PCDHGA5: variants seen among roughly 807,000 people sequenced by gnomAD.
PCDHGA5 encodes protocadherin gamma-A5.
Under a neutral mutation model 56.7 loss-of-function variants are expected in PCDHGA5, and 36 were observed. That is an observed-to-expected ratio of 0.64 (90% CI 0.49 to 0.84). The LOEUF (loss-of-function observed/expected upper bound fraction) is 0.84. PCDHGA5 is among the 40% of genes least tolerant of loss of function. The probability of loss-of-function intolerance (pLI) is 0.00; values close to 1 mark genes in which losing one functional copy is unlikely to be tolerated. For synonymous variants in PCDHGA5, 563 were observed against 520.2 expected, an observed-to-expected ratio of 1.08 and a Z score of -1.12; for missense variants, 1,305 against 1,201.5, an observed-to-expected ratio of 1.09 and a Z score of -1.27.
chr5:141,377,619 G>T (rs1248552210), intron 1 of PCDHGA5: 2 of 145,890 alleles, frequency 1.4e-5, no homozygotes, highest in Admixed American at 1.4e-4. Flanking sequence ...AAAAAAAAAA[G>T]ATTTTGTTTT....
At chr5:141,395,972 A>G (rs974737736) in intron 1 of PCDHGA5, 1 of 152,218 alleles carries the variant, frequency 6.6e-6, no homozygotes, top group African/African-American at 2.4e-5. Flanking sequence ...CAAAAACATT[A>G]GATCTGAATT....
intron 1 of PCDHGA5, chr5:141,409,769 G>C (rs1413636372): frequency 1.2e-6 from 2 of 1,612,776 alleles, no homozygotes; most frequent in Non-Finnish European, 1.7e-6. Context: ...CTTTGATCAC[G>C]AGCAGCTGCG....
chr5:141,374,376 A>G (rs1770434456), intron 1 of PCDHGA5: 8 of 1,613,952 alleles, frequency 5.0e-6, no homozygotes, highest in Non-Finnish European at 6.8e-6. Context: ...CTCTGTGCTC[A>G]GAGCCCGCGG....
chr5:141,503,598 CAAAA>C (rs765754054), intron 2 of PCDHGA5, among the ~76,000 whole-genome samples: 2 of 65,756 alleles, frequency 3.0e-5, no homozygotes. Flanking sequence ...GACTCCAGCT[CAAAA>C]AAAAAAAAAA....
intron 2 of PCDHGA5, among the ~76,000 whole-genome samples, chr5:141,496,008 C>CT (rs1468405718): frequency 2.0e-5 from 3 of 151,956 alleles, no homozygotes; most frequent in Non-Finnish European, 4.4e-5. Flanking sequence ...TTTATCTTGT[C>CT]TTTTTTCTCT....
At chr5:141,410,748 C>G in intron 1 of PCDHGA5, 1 of 1,245,396 alleles carries the variant, frequency 8.0e-7, no homozygotes, top group Non-Finnish European at 1.1e-6. Flanking sequence ...AATATTTTCT[C>G]AATGTTTTTT....
chr5:141,409,508 A>G, intron 1 of PCDHGA5: 2 of 1,614,022 alleles, frequency 1.2e-6, no homozygotes, highest in Non-Finnish European at 1.7e-6. Context: ...TTCTTCCAGT[A>G]GAAGCATCAC....
chr5:141,482,622 A>G (rs1197606374), intron 1 of PCDHGA5, among the ~76,000 whole-genome samples: 1 of 151,936 alleles, frequency 6.6e-6, no homozygotes, highest in Non-Finnish European at 1.5e-5. Context: ...AGCCTGGAGA[A>G]AGGAAGAAAT....
At chr5:141,388,824 T>A in intron 1 of PCDHGA5, 1 of 1,613,960 alleles carries the variant, frequency 6.2e-7, no homozygotes, top group Non-Finnish European at 8.5e-7. Flanking sequence ...CAAAGAATAT[T>A]CCATAGTTTT....
At position 141,489,207 on chromosome 5, in the gene PCDHGA5, A is replaced by T; in HGVS notation, c.2422-5600A>T. The T allele has an allele frequency of 6.9e-7, 1 of 1,452,692 alleles. No homozygotes were observed. The highest frequency in any genetic ancestry group is 9.3e-7 in the Non-Finnish European group (1 of 1,073,586). 90.0% of individuals were successfully genotyped at this position (1,452,692 alleles called of 1,614,324 possible). ...GGGTCTACCTTGGAGACAGGACAGC[A>T]CAGACTTACTCTCCACAAAGGGACT... On this transcript the variant is annotated intron_variant, in intron 1 of 3. Transcript: ENST00000518069. The surrounding 1 kb of genome is among the most constrained non-coding windows in gnomAD (Gnocchi z 4.5).
At chr5:141,405,880 G>T (rs2094729430) in intron 1 of PCDHGA5, among the ~76,000 whole-genome samples, 1 of 152,110 alleles carries the variant, frequency 6.6e-6, no homozygotes, top group Non-Finnish European at 1.5e-5. Flanking sequence ...GGGCCTAATT[G>T]TTGCTCCAAC....
At chr5:141,421,520 A>G (rs749034718) in intron 1 of PCDHGA5, 2 of 1,614,068 alleles carry the variant, frequency 1.2e-6, no homozygotes, top group Non-Finnish European at 8.5e-7. Flanking sequence ...GAGCTCTGTG[A>G]GACGGTGTCC....
At chr5:141,478,098 C>T (rs779493391) in intron 1 of PCDHGA5, 1 of 1,614,142 alleles carries the variant, frequency 6.2e-7, no homozygotes, top group South Asian at 1.1e-5. Flanking sequence ...ACCACTGCTA[C>T]CCTCACTGTG....
rs562192762 is a variant in PCDHGA5, at chr5:141,485,718, T to C, written c.2422-9089T>C. 1 of 1,614,058 alleles carries C rather than the reference T, an allele frequency of 6.2e-7. No homozygotes were observed. The highest frequency in any genetic ancestry group is 2.2e-5 in the East Asian group (1 of 44,866). On this transcript the variant is annotated intron_variant, in intron 1 of 3. Coordinates refer to ENST00000518069, the MANE Select transcript of PCDHGA5 (RefSeq NM_018918.3). This position sits in a 1 kb window ranked among gnomAD's most constrained non-coding sequence, Gnocchi z 5.7. ...TCCAATGAACACTTTGCACTGGATG[T>C]GAAGAAGCGCAGCGACGGCAGCCTG...
At chr5:141,416,387 A>T (rs1229066765) in intron 1 of PCDHGA5, 1 of 152,190 alleles carries the variant, frequency 6.6e-6, no homozygotes, top group Admixed American at 6.5e-5. Context: ...AATATTTGGG[A>T]TTCTGCTTTT....
chr5:141,375,212 G>T (rs757227553), intron 1 of PCDHGA5: 1 of 1,613,944 alleles, frequency 6.2e-7, no homozygotes, highest in Admixed American at 1.7e-5. Flanking sequence ...TCGAGACTCT[G>T]GCCTGAATGG....
intron 1 of PCDHGA5, among the ~76,000 whole-genome samples, chr5:141,429,826 C>T (rs1211415098): frequency 2.6e-5 from 4 of 152,054 alleles, no homozygotes; most frequent in Non-Finnish European, 4.4e-5. Context: ...GGTCAGTTAC[C>T]CAGGAAAAGG....
At chr5:141,447,178 C>T (rs1258561542) in intron 1 of PCDHGA5, among the ~76,000 whole-genome samples, 2 of 152,094 alleles carry the variant, frequency 1.3e-5, no homozygotes, top group Middle Eastern at 3.4e-3. Context: ...TTGCTCTTGT[C>T]GCGCAGGCTG....
At chr5:141,410,340 T>G in intron 1 of PCDHGA5, 1 of 1,614,068 alleles carries the variant, frequency 6.2e-7, no homozygotes, top group Non-Finnish European at 8.5e-7. Flanking sequence ...GCCATTGCCT[T>G]GCGCCTGCGA....
Sources: allele counts gnomAD v4.1 joint callset (sites outside exome capture counted in the v4.1 genomes callset), GRCh38; gene constraint gnomAD v4.1.1; non-coding constraint Gnocchi (gnomAD v3.1); transcripts MANE v1.5; gene names NCBI Gene and HGNC (gene_info 2026-07-23, HGNC 2026-07-21).